FARS2: variants seen among roughly 807,000 people sequenced by gnomAD.
The protein encoded by FARS2 is phenylalanyl-tRNA synthetase 2, mitochondrial, also known as phenylalanine--tRNA ligase, mitochondrial.
Under a neutral mutation model 46.4 loss-of-function variants are expected in FARS2, and 40 were observed. That is an observed-to-expected ratio of 0.86 (90% CI 0.67 to 1.12). The LOEUF (loss-of-function observed/expected upper bound fraction) is 1.12, where lower values mean the gene tolerates loss of function less well. FARS2 is among the 50% of genes most tolerant of loss of function. The probability of loss-of-function intolerance (pLI) is 0.00; values close to 1 mark genes in which losing one functional copy is unlikely to be tolerated. For missense variants in FARS2, 513 were observed against 567.9 expected (o/e 0.90, Z 0.98); for synonymous variants, 234 against 214.9 (o/e 1.09, Z -0.78).
intron 2 of FARS2, among the ~76,000 whole-genome samples, chr6:5,379,533 G>A (rs1489420240): frequency 6.6e-6 from 1 of 152,204 alleles, no homozygotes; most frequent in Non-Finnish European, 1.5e-5. Context: ...CCAGAGAAGA[G>A]CCCCTTCCTC....
At position 5,503,401 on chromosome 6, in the gene FARS2, CACACAG is replaced by C. The variant is rs1296648762; in HGVS notation, c.905-41777_905-41772del. 6.6e-3 allele frequency among the ~76,000 whole-genome samples: 704 copies of C among 106,344 alleles called. 4 individuals are homozygous for C. The highest frequency in any genetic ancestry group is 0.028 in the African/African-American group (622 of 22,600). 69.8% of individuals were successfully genotyped at this position (106,344 alleles called of 152,430 possible). On this transcript the variant is annotated intron_variant, in intron 4 of 6. Transcript: ENST00000274680. ...ACACACACACACACACACACACACA[CACACAG>C]AGAGAGAGAGAGAGAGAGAGAGAGA...
chr6:5,466,104 A>T (rs553507504), intron 4 of FARS2, among the ~76,000 whole-genome samples: 1 of 152,118 alleles, frequency 6.6e-6, no homozygotes, highest in Non-Finnish European at 1.5e-5. Context: ...TTCAACGGCG[A>T]TGGGTAATGC....
intron 4 of FARS2, among the ~76,000 whole-genome samples, chr6:5,510,833 C>T (rs1768407685): frequency 6.6e-6 from 1 of 151,892 alleles, no homozygotes; most frequent in Non-Finnish European, 1.5e-5. Context: ...GTTAATGAGC[C>T]AATGAGAGAT....
chr6:5,369,262 G>T, intron 2 of FARS2, 80 bp downstream of exon 2: 1 of 1,388,730 alleles, frequency 7.2e-7, no homozygotes, highest in South Asian at 1.3e-5. Context: ...AGCTCGATGA[G>T]ACCAGCATAG....
At chr6:5,501,227 A>G (rs184257647) in intron 4 of FARS2, among the ~76,000 whole-genome samples, 2 of 152,298 alleles carry the variant, frequency 1.3e-5, no homozygotes, top group Admixed American at 1.3e-4. Context: ...AGGTAAACAA[A>G]GGACATAAAT....
chr6:5,560,798 G>T lies in FARS2; in HGVS notation c.1065+15458G>T, dbSNP rs78470180. ...TTTGTATCAGTTTTGATTAATTGTG[G>T]TTTTTTCTAGGGAATTGTCTGTTTT... On this transcript the variant is annotated intron_variant, in intron 5 of 6. Coordinates refer to ENST00000274680, the MANE Select transcript of FARS2 (RefSeq NM_006567.5). Among the ~76,000 whole-genome samples the T allele has an allele frequency of 3.2e-3, 482 of 152,202 alleles. 4 individuals carry two copies. Among genetic ancestry groups the T allele is most frequent in the African/African-American group, 3.4e-3 (142 of 41,496 alleles).
intron 6 of FARS2, among the ~76,000 whole-genome samples, chr6:5,714,929 A>G (rs1759402481): frequency 6.6e-6 from 1 of 152,140 alleles, no homozygotes; most frequent in Non-Finnish European, 1.5e-5. Flanking sequence ...GGAGGCTGAG[A>G]TGGGAGAATC....
intron 4 of FARS2, chr6:5,431,606 C>T (rs1763170743): frequency 3.8e-6 from 2 of 526,844 alleles, no homozygotes; most frequent in South Asian, 1.4e-5. Flanking sequence ...TATAAATACA[C>T]TAAAACGCAG....
chr6:5,430,242 C>G (rs1462257988), intron 3 of FARS2, among the ~76,000 whole-genome samples: 4 of 152,134 alleles, frequency 2.6e-5, no homozygotes, highest in African/African-American at 7.2e-5. Context: ...TTTCTGTGTT[C>G]TTCTCAGTGG....
At chr6:5,427,902 G>A (rs547755211) in intron 3 of FARS2, among the ~76,000 whole-genome samples, 1 of 152,256 alleles carries the variant, frequency 6.6e-6, no homozygotes, top group South Asian at 2.1e-4. Flanking sequence ...TCAATCCAAA[G>A]CTATAATTGT....
chr6:5,482,822 G>C (rs140744009), intron 4 of FARS2, among the ~76,000 whole-genome samples: 1 of 152,208 alleles, frequency 6.6e-6, no homozygotes, highest in Non-Finnish European at 1.5e-5. Context: ...TTCAGAGTCA[G>C]CACTTTCCAG....
chr6:5,766,274 C>T (rs1177179613), intron 6 of FARS2, among the ~76,000 whole-genome samples: 4 of 152,270 alleles, frequency 2.6e-5, no homozygotes, highest in Non-Finnish European at 2.9e-5. Flanking sequence ...GTAGCAACCT[C>T]GTGGTGCCCA....
upstream of FARS2, chr6:5,260,830 A>G (rs1441376546): frequency 6.6e-7 from 1 of 1,518,166 alleles, no homozygotes; most frequent in Non-Finnish European, 8.8e-7. Flanking sequence ...CACGAACGAA[A>G]TAAAATGCTG....
At chr6:5,649,917 T>C (rs1777264279) in intron 6 of FARS2, among the ~76,000 whole-genome samples, 1 of 152,164 alleles carries the variant, frequency 6.6e-6, no homozygotes, top group Non-Finnish European at 1.5e-5. Flanking sequence ...ATTGCCTTTT[T>C]GATAAAAAGA....
At chr6:5,746,358 C>T (rs1341171035) in intron 6 of FARS2, among the ~76,000 whole-genome samples, 2 of 152,096 alleles carry the variant, frequency 1.3e-5, no homozygotes, top group African/African-American at 4.8e-5. Flanking sequence ...ATGGTATCTG[C>T]TTTATGTGTT....
intron 6 of FARS2, among the ~76,000 whole-genome samples, chr6:5,767,248 G>A (rs1436889572): frequency 1.3e-5 from 2 of 151,944 alleles, no homozygotes; most frequent in African/African-American, 4.8e-5. Context: ...TAGAGACGGG[G>A]TTTCACCATG....
intron 4 of FARS2, among the ~76,000 whole-genome samples, chr6:5,513,570 CT>C (rs1313243141): frequency 6.6e-6 from 1 of 152,228 alleles, no homozygotes; most frequent in South Asian, 2.1e-4. Flanking sequence ...GCGCCTGTGT[CT>C]TTTCGTTCTG....
At chr6:5,541,470 A>G (rs560391638) in intron 4 of FARS2, among the ~76,000 whole-genome samples, 131 of 152,320 alleles carry the variant, frequency 8.6e-4, no homozygotes, top group South Asian at 2.9e-3. Context: ...CTTATGTCCT[A>G]CCAATCTGTT....
At chr6:5,308,375 G>C (rs989735846) in intron 1 of FARS2, among the ~76,000 whole-genome samples, 3 of 152,218 alleles carry the variant, frequency 2.0e-5, no homozygotes, top group African/African-American at 7.2e-5. Flanking sequence ...AAAGGCAAGA[G>C]AGGAAGCAGC....
Sources: gnomAD v4.1 joint callset for allele counts (sites outside exome capture counted in the v4.1 genomes callset) on GRCh38, gnomAD v4.1.1 for gene constraint, MANE v1.5 for transcripts, NCBI Gene and HGNC (gene_info 2026-07-23, HGNC 2026-07-21) for gene names.